Variants in TPTE observed in about 807,000 individuals in gnomAD.
The protein encoded by TPTE is transmembrane phosphatase with tensin homology, also known as putative tyrosine-protein phosphatase TPTE.
Under a neutral mutation model 84.1 loss-of-function variants are expected in TPTE, and 59 were observed. The observed-to-expected ratio is 0.70, with a 90% CI of 0.57 to 0.87. The LOEUF is 0.87. Among genes scored for constraint, TPTE ranks in the 40% least tolerant of loss-of-function variants. The pLI is 0.00. For missense variants in TPTE, 382 were observed against 659.6 expected, an observed-to-expected ratio of 0.58 and a Z score of 4.61; for synonymous variants, 130 against 223.5, an observed-to-expected ratio of 0.58 and a Z score of 3.73.
chr21:10,526,562 C>A (rs2074082947), intron 2 of TPTE, among the ~76,000 whole-genome samples: 2 of 152,306 alleles, frequency 1.3e-5, no homozygotes, highest in African/African-American at 2.4e-5. Flanking sequence ...TGTATGTGAT[C>A]AGTTTCTTAA....
chr21:10,542,071 AG>A, intron 5 of TPTE, among the ~76,000 whole-genome samples: 1 of 152,428 alleles, frequency 6.6e-6, no homozygotes, highest in South Asian at 2.1e-4. Flanking sequence ...ATGGAATAAG[AG>A]GGCTGACTAC....
At chr21:10,535,538 G>T (rs1431964679) in intron 3 of TPTE, among the ~76,000 whole-genome samples, 1 of 152,302 alleles carries the variant, frequency 6.6e-6, no homozygotes, top group Admixed American at 6.5e-5. Flanking sequence ...ATGAAGTCAT[G>T]AAAGGGATGC....
rs201502978 is a variant in TPTE at position 10,544,575 on chromosome 21, G to A, written c.173+1193G>A. 8.9e-4 allele frequency among the ~76,000 whole-genome samples: 135 copies of A among 152,356 alleles called. No homozygotes were observed. In the East Asian group the frequency reaches 0.023, roughly 26 times the overall value. On this transcript the variant is annotated intron_variant, in intron 7 of 23. Transcript: ENST00000618007. Reference sequence around the variant, plus strand: ...AATTTTTTGTATTTTTGGTAGGGGCGGGGTTTCACTATATTGGCCAGGCTG... The same window carrying A: ...AATTTTTTGTATTTTTGGTAGGGGCAGGGTTTCACTATATTGGCCAGGCTG...
At chr21:10,545,694 T>C (rs141945721) in intron 7 of TPTE, among the ~76,000 whole-genome samples, 444 of 152,030 alleles carry the variant, frequency 2.9e-3, no homozygotes, top group African/African-American at 0.01. Flanking sequence ...TATATACAGA[T>C]ATATCTTTTA....
chr21:10,548,625 T>G (rs536636692), intron 7 of TPTE, among the ~76,000 whole-genome samples: 42 of 152,410 alleles, frequency 2.8e-4, no homozygotes, highest in African/African-American at 9.9e-4. Context: ...GTCATTTGAC[T>G]GTATCCCAGG....
intron 10 of TPTE, among the ~76,000 whole-genome samples, chr21:10,566,981 A>AG (rs2074934349): frequency 6.6e-6 from 1 of 151,386 alleles, no homozygotes; most frequent in African/African-American, 2.4e-5. Context: ...CCATCTCAAA[A>AG]AAAAAAAAAA....
At chr21:10,573,801 C>T (rs1314746776) in intron 14 of TPTE, among the ~76,000 whole-genome samples, 6 of 152,298 alleles carry the variant, frequency 3.9e-5, no homozygotes, top group African/African-American at 1.4e-4. Flanking sequence ...CATGTGGTCT[C>T]TCATTCTCCA....
rs749942747 is a variant in TPTE at position 10,605,439 on chromosome 21, T to C, written c.1543T>C (p.Leu515=). The C allele has an allele frequency of 5.6e-6, 9 of 1,613,922 alleles. No individual in the cohort carries two copies. In the South Asian group the frequency reaches 9.9e-5, roughly 18 times the overall value. Residue 515 remains leucine (L), a synonymous_variant, in exon 24 of 24, where the codon TTG becomes CTG. Transcript: ENST00000618007. ...NNRLYLPKNE[L]DNLHKQKARR... ...TAGGCTTTATCTACCAAAAAATGAA[T>C]TGGATAATCTACATAAACAAAAAGC...
chr21:10,568,280 G>A (rs2074967768), intron 11 of TPTE, among the ~76,000 whole-genome samples: 1 of 152,310 alleles, frequency 6.6e-6, no homozygotes, highest in African/African-American at 2.4e-5. Flanking sequence ...ATTTATTTGA[G>A]CATATGCAAA....
intron 13 of TPTE, 57 bp downstream of exon 13, chr21:10,569,803 T>C (rs376007823): frequency 6.8e-6 from 11 of 1,609,838 alleles, no homozygotes; most frequent in East Asian, 6.7e-5. Context: ...CTTGTAATTG[T>C]ATTTTTTTTT....
At position 10,603,527 on chromosome 21, in the gene TPTE, A is replaced by G. The variant is rs758789880; in HGVS notation, c.1450-35A>G. 1.4e-4 allele frequency: 229 copies of G among 1,579,452 alleles called. No individual in the cohort carries two copies. The East Asian group carries it at 4.2e-3, about 29-fold the overall frequency. ...TTCTTTGGAATGATTAGTTCTTGGT[A>G]TCAGTTTTACTTTGAAATTTTTTTT... On this transcript the variant is annotated intron_variant, in intron 22 of 23. Coordinates refer to ENST00000618007, the MANE Select transcript of TPTE (RefSeq NM_199261.4).
intron 18 of TPTE, 74 bp downstream of exon 18, chr21:10,590,597 A>T: frequency 6.3e-7 from 1 of 1,599,468 alleles, no homozygotes; most frequent in African/African-American, 1.3e-5. Flanking sequence ...CTGGCAGGAC[A>T]TTAAGATGAT....
intron 19 of TPTE, among the ~76,000 whole-genome samples, chr21:10,593,222 T>G (rs2075519394): frequency 6.6e-6 from 1 of 152,310 alleles, no homozygotes; most frequent in Non-Finnish European, 1.5e-5. Flanking sequence ...CGTCAGATCA[T>G]TTTATCACAC....
At chr21:10,554,603 C>A (rs943225072) in intron 8 of TPTE, among the ~76,000 whole-genome samples, 3 of 152,272 alleles carry the variant, frequency 2.0e-5, no homozygotes, top group African/African-American at 7.2e-5. Context: ...TAAGCAATTT[C>A]TCCCAGGTTG....
chr21:10,588,514 C>G (rs2075407921), intron 17 of TPTE, among the ~76,000 whole-genome samples: 1 of 152,312 alleles, frequency 6.6e-6, no homozygotes. Flanking sequence ...TTTATAGTAT[C>G]TCACAGGTGC....
At position 10,605,463 on chromosome 21, in the gene TPTE, G is replaced by A; in HGVS notation, c.1567G>A (p.Ala523Thr). The A allele has an allele frequency of 6.2e-7, 1 of 1,614,198 alleles. No homozygotes were observed. Among genetic ancestry groups the A allele is most frequent in the Non-Finnish European group, 8.5e-7 (1 of 1,180,004 alleles). Residue 523 changes from alanine to threonine, a missense_variant, in exon 24 of 24, where the codon GCA becomes ACA. By Grantham distance (58) the Ala-to-Thr change is moderately conservative. Transcript: ENST00000618007. ...NELDNLHKQK[A>T]RRIYPSDFAV... ...ATTGGATAATCTACATAAACAAAAA[G>A]CACGGAGAATTTATCCATCAGATTT...
At chr21:10,592,771 A>C (rs962498728) in intron 19 of TPTE, among the ~76,000 whole-genome samples, 2 of 152,064 alleles carry the variant, frequency 1.3e-5, no homozygotes, top group Non-Finnish European at 2.9e-5. Context: ...CAACCCTTGC[A>C]GAACATCACA....
intron 7 of TPTE, among the ~76,000 whole-genome samples, chr21:10,551,765 TAG>T (rs2074580111): frequency 6.6e-6 from 1 of 152,306 alleles, no homozygotes; most frequent in African/African-American, 2.4e-5. Flanking sequence ...AAATAATTAT[TAG>T]AGACTATTAT....
Position 10,605,625 on chromosome 21 carries a change from A to C in TPTE, c.*73A>C. ...CCCTGCCACATGTTCATATATCCTA[A>C]ATCTATCCTAAATGTTCCTTGAAGT... On this transcript the variant is annotated 3_prime_UTR_variant, in exon 24 of 24. Transcript: ENST00000618007. The C allele has an allele frequency of 6.2e-7, 1 of 1,605,528 alleles. No homozygotes were observed. Among genetic ancestry groups the C allele is most frequent in the Non-Finnish European group, 8.5e-7 (1 of 1,177,404 alleles).
Sources: gnomAD v4.1 joint callset for allele counts (sites outside exome capture counted in the v4.1 genomes callset) on GRCh38, gnomAD v4.1.1 for gene constraint, MANE v1.5 for transcripts, NCBI Gene and HGNC (gene_info 2026-07-23, HGNC 2026-07-21) for gene names.